PPM1B: variants seen among roughly 807,000 people sequenced by gnomAD.
The protein encoded by PPM1B is protein phosphatase 1B.
PPM1B carries 22 observed loss-of-function variants against 43.0 expected under a neutral mutation model. The observed-to-expected ratio is 0.51, with a 90% CI of 0.37 to 0.73. PPM1B has a LOEUF of 0.73. Among genes scored for constraint, PPM1B ranks in the 30% least tolerant of loss-of-function variants. The probability of loss-of-function intolerance (pLI) is 0.00; values close to 1 mark genes in which losing one functional copy is unlikely to be tolerated. For synonymous variants in PPM1B, 217 were observed against 197.9 expected (o/e 1.10, Z -0.81); for missense variants, 632 against 584.2 (o/e 1.08, Z -0.84).
downstream of PPM1B, chr2:44,232,570 C>T (rs1260540937): frequency 2.2e-6 from 3 of 1,385,936 alleles, no homozygotes; most frequent in African/African-American, 1.5e-5. Context: ...CAACCTCAGG[C>T]ATACTCGTTA....
intron 1 of PPM1B, among the ~76,000 whole-genome samples, chr2:44,184,659 G>A (rs1668039215): frequency 6.6e-6 from 1 of 151,974 alleles, no homozygotes; most frequent in African/African-American, 2.4e-5. Context: ...CTGACTACTT[G>A]ATAGATTATG....
downstream of PPM1B, among the ~76,000 whole-genome samples, chr2:44,237,524 C>G (rs925326176): frequency 6.6e-6 from 1 of 152,166 alleles, no homozygotes; most frequent in African/African-American, 2.4e-5. Flanking sequence ...GTGAGGGGCA[C>G]TTAGGAAGTC....
chr2:44,229,368 G>A (rs1418400019), intron 5 of PPM1B, among the ~76,000 whole-genome samples: 1 of 152,022 alleles, frequency 6.6e-6, no homozygotes, highest in African/African-American at 2.4e-5. Flanking sequence ...AGTGACTATT[G>A]TAATTGTTAT....
At chr2:44,245,718 CTG>C (rs1670842291), downstream of PPM1B, among the ~76,000 whole-genome samples, 1 of 152,246 alleles carries the variant, frequency 6.6e-6, no homozygotes, top group Non-Finnish European at 1.5e-5. Context: ...ACTACACCCT[CTG>C]TAAAAGGTGT....
At chr2:44,193,482 C>G (rs1164385961) in intron 1 of PPM1B, among the ~76,000 whole-genome samples, 3 of 152,080 alleles carry the variant, frequency 2.0e-5, no homozygotes, top group East Asian at 3.8e-4. Context: ...CAGTCTTGAA[C>G]TCCTGGGCTA....
intron 1 of PPM1B, among the ~76,000 whole-genome samples, chr2:44,188,198 GA>G (rs1668218734): frequency 6.6e-6 from 1 of 152,100 alleles, no homozygotes; most frequent in East Asian, 1.9e-4. Context: ...GTTTAAATCT[GA>G]AAAGCAGTTT....
chr2:44,234,302 C>T (rs1670549571), downstream of PPM1B: 2 of 811,920 alleles, frequency 2.5e-6, no homozygotes, highest in South Asian at 1.1e-4. Flanking sequence ...GGGTGGATCA[C>T]GAGGTCAAGA....
chr2:44,180,096 G>C (rs1286415461), intron 1 of PPM1B, among the ~76,000 whole-genome samples: 1 of 151,962 alleles, frequency 6.6e-6, no homozygotes, highest in Non-Finnish European at 1.5e-5. Flanking sequence ...ATGAATGCTT[G>C]GAAGGACAGT....
intron 1 of PPM1B, among the ~76,000 whole-genome samples, chr2:44,200,179 C>T (rs1445587752): frequency 3.3e-5 from 5 of 152,154 alleles, no homozygotes; most frequent in Non-Finnish European, 5.9e-5. Flanking sequence ...TACATTGACT[C>T]ATTCTTCACA....
intron 5 of PPM1B, among the ~76,000 whole-genome samples, chr2:44,241,855 A>ATGTTTT (rs1308907282): frequency 3.0e-5 from 1 of 32,852 alleles, no homozygotes; most frequent in Admixed American, 4.2e-4. Context: ...TTAGAAAATA[A>ATGTTTT]TCTTTTTTTT....
intron 1 of PPM1B, among the ~76,000 whole-genome samples, chr2:44,171,692 C>T (rs1462924955): frequency 6.6e-6 from 1 of 151,944 alleles, no homozygotes; most frequent in African/African-American, 2.4e-5. Flanking sequence ...TAGCCAGGTG[C>T]GGTGGCGCGT....
chr2:44,232,604 T>C (rs1670500419), downstream of PPM1B: 2 of 1,271,546 alleles, frequency 1.6e-6, no homozygotes, highest in Admixed American at 8.1e-5. Context: ...CTTTCGGCCC[T>C]AGAAACCAGT....
intron 1 of PPM1B, among the ~76,000 whole-genome samples, chr2:44,171,183 T>TA (rs1667323841): frequency 6.6e-6 from 1 of 152,218 alleles, no homozygotes; most frequent in Admixed American, 6.5e-5. Flanking sequence ...ACCGTTTTCT[T>TA]ACACTGGGTG....
chr2:44,223,194 C>G (rs917128645), intron 5 of PPM1B, among the ~76,000 whole-genome samples: 4 of 152,156 alleles, frequency 2.6e-5, no homozygotes, highest in African/African-American at 9.6e-5. Context: ...TGAGTTAAGC[C>G]CAATTCCTTG....
At chr2:44,228,935 C>T (rs1670348183) in intron 5 of PPM1B, among the ~76,000 whole-genome samples, 1 of 152,110 alleles carries the variant, frequency 6.6e-6, no homozygotes, top group Non-Finnish European at 1.5e-5. Context: ...GTAATCCCAG[C>T]ACTTTGGGAG....
intron 5 of PPM1B, among the ~76,000 whole-genome samples, chr2:44,242,728 A>T (rs1336301976): frequency 6.6e-6 from 1 of 152,072 alleles, no homozygotes; most frequent in Admixed American, 6.5e-5. Flanking sequence ...ATATTTGCTT[A>T]TTCTTTTATT....
intron 1 of PPM1B, among the ~76,000 whole-genome samples, chr2:44,190,013 G>A (rs759719137): frequency 7.2e-5 from 11 of 152,084 alleles, no homozygotes; most frequent in Non-Finnish European, 1.5e-5. Context: ...GGATTATATC[G>A]TGTGAATGTG....
At chr2:44,228,568 T>G (rs1670329241) in intron 5 of PPM1B, among the ~76,000 whole-genome samples, 1 of 152,244 alleles carries the variant, frequency 6.6e-6, no homozygotes. Flanking sequence ...GTTATCTTTG[T>G]TGCAAAAGTA....
At chr2:44,188,435 G>C (rs1317332596) in intron 1 of PPM1B, among the ~76,000 whole-genome samples, 1 of 114,348 alleles carries the variant, frequency 8.7e-6, no homozygotes, top group Non-Finnish European at 1.7e-5. Flanking sequence ...TTGCTTTGTT[G>C]CTCAGGCTGG....
Sources: allele counts gnomAD v4.1 joint callset (sites outside exome capture counted in the v4.1 genomes callset), GRCh38; gene constraint gnomAD v4.1.1; transcripts MANE v1.5; gene names NCBI Gene and HGNC (gene_info 2026-07-23, HGNC 2026-07-21).